CLINT1: variants seen among roughly 807,000 people sequenced by gnomAD.
CLINT1 encodes clathrin interactor 1.
Under a neutral mutation model 70.4 loss-of-function variants are expected in CLINT1, and 15 were observed. That is an observed-to-expected ratio of 0.21 (90% CI 0.14 to 0.33). The LOEUF (loss-of-function observed/expected upper bound fraction) is 0.33, where lower values mean the gene tolerates loss of function less well. Ranked by LOEUF, CLINT1 falls within the 10% of genes least tolerant of loss-of-function variation. The probability of loss-of-function intolerance (pLI) is 1.00; values close to 1 mark genes in which losing one functional copy is unlikely to be tolerated. For missense variants in CLINT1, 615 were observed against 778.1 expected, an observed-to-expected ratio of 0.79 and a Z score of 2.49; for synonymous variants, 227 against 254.7, an observed-to-expected ratio of 0.89 and a Z score of 1.04.
intron 8 of CLINT1, among the ~76,000 whole-genome samples, chr5:157,799,726 T>C (rs545445603): frequency 6.6e-6 from 1 of 152,204 alleles, no homozygotes; most frequent in East Asian, 1.9e-4. Context: ...ACAGAATGCA[T>C]TGGGGCATTA....
chr5:157,832,538 G>C (rs1168636840), intron 1 of CLINT1, among the ~76,000 whole-genome samples: 1 of 152,116 alleles, frequency 6.6e-6, no homozygotes, highest in Non-Finnish European at 1.5e-5. Context: ...GACACTTCTA[G>C]CTGAGATTCC....
intron 5 of CLINT1, 39 bp from the exon 6 acceptor site, chr5:157,809,844 A>G: frequency 6.4e-7 from 1 of 1,570,916 alleles, no homozygotes; most frequent in Non-Finnish European, 8.7e-7. Flanking sequence ...TTCTAACGAC[A>G]TTAAATTCAA....
chr5:157,846,875 A>G (rs1166884386), intron 1 of CLINT1, among the ~76,000 whole-genome samples: 1 of 152,210 alleles, frequency 6.6e-6, no homozygotes, highest in African/African-American at 2.4e-5. Context: ...ATGATGGCGC[A>G]TCTGTTTACA....
chr5:157,828,815 A>AC (rs1763120526), intron 1 of CLINT1, among the ~76,000 whole-genome samples: 1 of 151,442 alleles, frequency 6.6e-6, no homozygotes, highest in East Asian at 1.9e-4. Flanking sequence ...AGGGCCGGGC[A>AC]CGGTGGCTCA....
chr5:157,833,971 C>T (rs545624819), intron 1 of CLINT1, among the ~76,000 whole-genome samples: 5 of 152,052 alleles, frequency 3.3e-5, no homozygotes, highest in Non-Finnish European at 5.9e-5. Context: ...TTGTAACAGG[C>T]ATGTTTGTTT....
At chr5:157,811,988 G>A (rs1257346451) in intron 5 of CLINT1, among the ~76,000 whole-genome samples, 1 of 151,776 alleles carries the variant, frequency 6.6e-6, no homozygotes, top group African/African-American at 2.4e-5. Flanking sequence ...ACTTGTGGCC[G>A]ACTCTGGTTG....
At chr5:157,830,864 A>G (rs1159512347) in intron 1 of CLINT1, among the ~76,000 whole-genome samples, 1 of 149,758 alleles carries the variant, frequency 6.7e-6, no homozygotes, top group Non-Finnish European at 1.5e-5. Flanking sequence ...CATCTCTACA[A>G]AAGATTTCTA....
At chr5:157,824,805 T>C (rs1762985149) in intron 1 of CLINT1, among the ~76,000 whole-genome samples, 1 of 152,214 alleles carries the variant, frequency 6.6e-6, no homozygotes, top group Non-Finnish European at 1.5e-5. Context: ...GGTCTTTTAA[T>C]TCCAAAGCCC....
At chr5:157,790,574 T>G in intron 10 of CLINT1, 1 of 444,212 alleles carries the variant, frequency 2.3e-6, no homozygotes, top group East Asian at 7.0e-5. Context: ...ACATTAGGTC[T>G]TATTTCTGTT....
chr5:157,816,731 T>C lies in CLINT1; in HGVS notation c.243+3A>G. On this transcript the variant is annotated splice_donor_region_variant and intron_variant, in intron 3 of 11. Coordinates refer to ENST00000411809, the MANE Select transcript of CLINT1 (RefSeq NM_014666.4). ...AGTAATTAAAGCAGACTTGTGTCCATACCTTATAAACTCTTCTCCAATTCT... is the reference window on the plus strand; with the variant it reads ...AGTAATTAAAGCAGACTTGTGTCCACACCTTATAAACTCTTCTCCAATTCT... 6.3e-7 allele frequency: 1 copy of C among 1,599,608 alleles called. No individual in the cohort carries two copies. The highest frequency in any genetic ancestry group is 8.5e-7 in the Non-Finnish European group (1 of 1,170,742).
chr5:157,847,427 C>T (rs1017300781), intron 1 of CLINT1, among the ~76,000 whole-genome samples: 1 of 151,854 alleles, frequency 6.6e-6, no homozygotes, highest in Admixed American at 6.6e-5. Context: ...AGGAGAATGG[C>T]GTGAACCCAG....
chr5:157,791,382 T>A (rs1282915887), intron 10 of CLINT1, among the ~76,000 whole-genome samples: 1 of 152,152 alleles, frequency 6.6e-6, no homozygotes, highest in Non-Finnish European at 1.5e-5. Context: ...AAAGACAATT[T>A]AAAAAAACTA....
At chr5:157,839,621 A>C (rs536638223) in intron 1 of CLINT1, among the ~76,000 whole-genome samples, 2 of 146,392 alleles carry the variant, frequency 1.4e-5, no homozygotes, top group East Asian at 2.0e-4. Flanking sequence ...AAAAAAAAAA[A>C]CAAACAAAAA....
chr5:157,816,457 A>G (rs777845535), intron 3 of CLINT1, among the ~76,000 whole-genome samples: 9 of 152,160 alleles, frequency 5.9e-5, no homozygotes, highest in Non-Finnish European at 1.3e-4. Context: ...CTACTCTACT[A>G]TAGATTCATT....
chr5:157,826,896 T>TA (rs1409240023), intron 1 of CLINT1, among the ~76,000 whole-genome samples: 3 of 152,156 alleles, frequency 2.0e-5, no homozygotes, highest in African/African-American at 7.2e-5. Context: ...AGTCTTTATC[T>TA]AAAAATTTCA....
chr5:157,798,596 C>T (rs1762129040), intron 8 of CLINT1, among the ~76,000 whole-genome samples: 3 of 151,958 alleles, frequency 2.0e-5, no homozygotes, highest in Admixed American at 1.3e-4. Context: ...AATGTAAATA[C>T]ATGACAAAGA....
intron 1 of CLINT1, among the ~76,000 whole-genome samples, chr5:157,829,193 T>C (rs1256608343): frequency 6.6e-6 from 1 of 152,124 alleles, no homozygotes; most frequent in Non-Finnish European, 1.5e-5. Context: ...GGTGTCAAGT[T>C]GCTCTCTGCC....
intron 1 of CLINT1, among the ~76,000 whole-genome samples, chr5:157,845,981 T>G (rs1753363120): frequency 2.0e-5 from 3 of 152,186 alleles, no homozygotes; most frequent in African/African-American, 7.2e-5. Flanking sequence ...CGCTGCTAAT[T>G]GATAGTAAGT....
intron 8 of CLINT1, among the ~76,000 whole-genome samples, chr5:157,798,875 A>C (rs750104999): frequency 8.5e-5 from 13 of 152,134 alleles, no homozygotes; most frequent in South Asian, 2.1e-4. Flanking sequence ...TAATATAGCC[A>C]CCCAATGTAA....
Sources: gnomAD v4.1 joint callset for allele counts (sites outside exome capture counted in the v4.1 genomes callset) on GRCh38, gnomAD v4.1.1 for gene constraint, MANE v1.5 for transcripts, NCBI Gene and HGNC (gene_info 2026-07-23, HGNC 2026-07-21) for gene names.